The following PAX8 variants were observed in gnomAD, a reference collection of about 807,000 sequenced individuals.
PAX8 encodes paired box 8, also known as paired box protein Pax-8.
A neutral mutation model predicts 52.4 loss-of-function variants in PAX8; 15 were observed. The observed-to-expected ratio is 0.29, with a 90% CI of 0.19 to 0.44. The LOEUF (loss-of-function observed/expected upper bound fraction) is 0.44, where lower values mean the gene tolerates loss of function less well. Ranked by LOEUF, PAX8 falls within the 20% of genes least tolerant of loss-of-function variation. PAX8 has a pLI of 1.00. For synonymous variants in PAX8, 284 were observed against 249.7 expected (o/e 1.14, Z -1.29); for missense variants, 554 against 602.5 (o/e 0.92, Z 0.84).
chr2:113,277,364 TCTC>T (rs1284306863), intron 2 of PAX8, among the ~76,000 whole-genome samples: 1 of 152,176 alleles, frequency 6.6e-6, no homozygotes, highest in East Asian at 1.9e-4. Context: ...TAAATAGAGA[TCTC>T]AGCCTCGCTG....
At chr2:113,234,872 C>T (rs1690148949) in intron 9 of PAX8, among the ~76,000 whole-genome samples, 1 of 152,156 alleles carries the variant, frequency 6.6e-6, no homozygotes, top group East Asian at 1.9e-4. Context: ...TGGGAGGTCC[C>T]CCACTCCTCT....
chr2:113,267,021 G>T (rs1196994322), intron 2 of PAX8: 1 of 152,270 alleles, frequency 6.6e-6, no homozygotes, highest in African/African-American at 2.4e-5. Context: ...GCTCGGTGTT[G>T]TGCATGCGGC....
At chr2:113,252,097 C>T (rs2104527396) in intron 2 of PAX8, among the ~76,000 whole-genome samples, 1 of 152,324 alleles carries the variant, frequency 6.6e-6, no homozygotes, top group East Asian at 1.9e-4. Context: ...TCTGCCCAGT[C>T]CTAAAGTGGC....
chr2:113,263,334 C>G (rs7585510), intron 2 of PAX8: 25,530 of 152,576 alleles, frequency 0.17, 2,323 homozygotes, highest in African/African-American at 0.24. Flanking sequence ...GCTGGATTCC[C>G]TCCAATTACC....
rs200014597 is a variant in PAX8, at chr2:113,246,736, G to A, written c.191+18C>T. ...AAGCCCTGCGGGGAAGGCGGCCTGC[G>A]GTGAATTTCGTGCTTACCTGCCAAG... On this transcript the variant is annotated intron_variant, in intron 3 of 11. Coordinates refer to ENST00000429538, the MANE Select transcript of PAX8 (RefSeq NM_003466.4). 73 of 1,609,340 alleles carry A rather than the reference G, an allele frequency of 4.5e-5. No homozygotes were observed. In the African/African-American group the frequency reaches 5.5e-4, roughly 12 times the overall value.
At chr2:113,262,741 C>T (rs1692778025) in intron 2 of PAX8, among the ~76,000 whole-genome samples, 2 of 152,110 alleles carry the variant, frequency 1.3e-5, no homozygotes, top group Admixed American at 1.3e-4. Context: ...ATATGAATAT[C>T]AGAGTTATGC....
intron 2 of PAX8, among the ~76,000 whole-genome samples, chr2:113,250,024 T>C (rs936971125): frequency 6.6e-6 from 1 of 152,086 alleles, no homozygotes; most frequent in Admixed American, 6.6e-5. Flanking sequence ...TCCCAGCACT[T>C]TGGGAGGCCG....
chr2:113,254,175 C>T (rs13396369), intron 2 of PAX8, among the ~76,000 whole-genome samples: 35,679 of 152,084 alleles, frequency 0.23, 4,531 homozygotes, highest in African/African-American at 0.34. Flanking sequence ...TTCAAATATT[C>T]CTGCATTCAT....
At chr2:113,267,025 A>T (rs904999586) in intron 2 of PAX8, 4 of 152,276 alleles carry the variant, frequency 2.6e-5, no homozygotes, top group African/African-American at 9.6e-5. Context: ...GGTGTTGTGC[A>T]TGCGGCTGTG....
chr2:113,227,342 A>C (rs1689643253), intron 9 of PAX8, 86 bp from the exon 10 acceptor site: 7 of 1,104,886 alleles, frequency 6.3e-6, no homozygotes, highest in Non-Finnish European at 1.3e-6. Context: ...GTCTTCCTCC[A>C]TGCCATTCCC....
chr2:113,224,591 G>T (rs1689438835), intron 10 of PAX8, among the ~76,000 whole-genome samples: 1 of 150,940 alleles, frequency 6.6e-6, no homozygotes, highest in Non-Finnish European at 1.5e-5. Context: ...AAGATGGAAG[G>T]ATCGGTGGAA....
intron 5 of PAX8, 107 bp downstream of exon 5, chr2:113,242,583 G>A (rs1690951580): frequency 7.2e-6 from 6 of 829,604 alleles, no homozygotes; most frequent in Non-Finnish European, 1.1e-5. Flanking sequence ...ACTGTGCACA[G>A]CTATGTCTGT....
chr2:113,222,041 T>G (rs748563848), intron 10 of PAX8, among the ~76,000 whole-genome samples: 2 of 152,158 alleles, frequency 1.3e-5, no homozygotes, highest in African/African-American at 2.4e-5. Flanking sequence ...TAATCTACTC[T>G]AAACATCTGT....
At chr2:113,274,171 AAAC>A (rs993299259) in intron 2 of PAX8, 3 of 152,228 alleles carry the variant, frequency 2.0e-5, no homozygotes, top group African/African-American at 4.8e-5. Flanking sequence ...AAATAAACAT[AAAC>A]AACACTCGAA....
intron 7 of PAX8, 62 bp downstream of exon 7, chr2:113,241,489 G>A (rs889595706): frequency 1.3e-6 from 2 of 1,483,206 alleles, no homozygotes; most frequent in African/African-American, 2.8e-5. Context: ...AGGCTCATTT[G>A]GAGAATAGAC....
rs1295884868 is a variant in PAX8 at position 113,236,738 on chromosome 2, A to G, written c.778-17T>C. 1.9e-6 allele frequency: 3 copies of G among 1,551,314 alleles called. No homozygotes were observed. In the South Asian group the frequency reaches 3.6e-5, roughly 18 times the overall value. ...GTAGAGGCCCTGGGGAGCAAAGAGA[A>G]GTCAGCGCACAGAGACGATCCAACA... is the stretch of plus-strand genomic sequence containing the variant. On this transcript the variant is annotated splice_polypyrimidine_tract_variant and intron_variant, in intron 7 of 11. Coordinates refer to ENST00000429538, the MANE Select transcript of PAX8 (RefSeq NM_003466.4).
rs60889010 is a variant in PAX8 at position 113,256,628 on chromosome 2, A to G, written c.26-9709T>C. On this transcript the variant is annotated intron_variant, in intron 2 of 11. Transcript: ENST00000429538. ...TATATGTGTGTGTGTATATATATAT[A>G]TATGTGTGTGTGTGTGTGTGTGTGT... is the stretch of plus-strand genomic sequence containing the variant. Among the ~76,000 whole-genome samples the G allele has an allele frequency of 7.6e-3, 994 of 130,328 alleles. 5 individuals are homozygous for G. Among genetic ancestry groups the G allele is most frequent in the African/African-American group, 0.01 (370 of 35,542 alleles). The allele number at this position is 130,328 out of a possible 152,430, so 85.5% of individuals were successfully genotyped here. A position where few individuals can be genotyped will look rare whatever the true frequency, so the allele number is the denominator to read the frequency against.
chr2:113,251,448 G>A (rs1229023248), intron 2 of PAX8, among the ~76,000 whole-genome samples: 1 of 150,530 alleles, frequency 6.6e-6, no homozygotes, highest in Non-Finnish European at 1.5e-5. Flanking sequence ...ATGTCTGGAG[G>A]ATTGTGAGTG....
Position 113,242,096 on chromosome 2 carries a change from G to C in PAX8, c.513C>G (p.Pro171=). 4 of 1,613,652 alleles carry C rather than the reference G, an allele frequency of 2.5e-6. No homozygotes were observed. The highest frequency in any genetic ancestry group is 3.4e-6 in the Non-Finnish European group (4 of 1,179,662). ...AGGTGGAGCCCAGGGAATCCGACTGGGGTGACTCCGGGGGAGTTACAGCTG... is the reference window on the plus strand; with the variant it reads ...AGGTGGAGCCCAGGGAATCCGACTGCGGTGACTCCGGGGGAGTTACAGCTG... The part of the protein sequence containing the change: ...PSSAVTPPES[P]QSDSLGSTYS... Residue 171 remains proline, a synonymous_variant, in exon 6 of 12, where the codon CCC becomes CCG. Coordinates refer to ENST00000429538, the MANE Select transcript of PAX8 (RefSeq NM_003466.4).
Sources: allele counts gnomAD v4.1 joint callset (sites outside exome capture counted in the v4.1 genomes callset), GRCh38; gene constraint gnomAD v4.1.1; transcripts MANE v1.5; gene names NCBI Gene and HGNC (gene_info 2026-07-23, HGNC 2026-07-21).